Variants in ITPR3 observed in about 807,000 individuals in gnomAD.
ITPR3 encodes inositol 1,4,5-trisphosphate receptor type 3, also known as inositol 1,4,5-trisphosphate-gated calcium channel ITPR3.
ITPR3 carries 173 observed loss-of-function variants against 293.2 expected under a neutral mutation model. The observed-to-expected ratio is 0.59, with a 90% CI of 0.52 to 0.67. The LOEUF (loss-of-function observed/expected upper bound fraction) is 0.67. Ranked by LOEUF, ITPR3 falls within the 30% of genes least tolerant of loss-of-function variation. The pLI, the probability that ITPR3 is intolerant of heterozygous loss-of-function variation, is 0.00. For synonymous variants in ITPR3, 1,295 were observed against 1,444.4 expected (o/e 0.90, Z 2.35); for missense variants, 2,796 against 3,592.1 (o/e 0.78, Z 5.66).
At position 33,658,563 on chromosome 6, in the gene ITPR3, G is replaced by T; in HGVS notation, c.370-107G>T. 5 of 1,314,044 alleles carry T rather than the reference G, an allele frequency of 3.8e-6. No homozygotes were observed. Among genetic ancestry groups the T allele is most frequent in the Non-Finnish European group, 4.2e-6 (4 of 941,586 alleles). The allele number at this position is 1,314,044 out of a possible 1,614,324, so 81.4% of individuals were successfully genotyped here. On this transcript the variant is annotated intron_variant, in intron 4 of 57. Coordinates refer to ENST00000605930, the MANE Select transcript of ITPR3 (RefSeq NM_002224.4). The surrounding 1 kb of genome is among the most constrained non-coding windows in gnomAD (Gnocchi z 6.1). The stretch of plus-strand genomic sequence containing the variant: ...TTGTGACAGGTGTCTGACACTATGT[G>T]TGCAGCCAGAATGTGACCAAGGGTC...
intron 1 of ITPR3, among the ~76,000 whole-genome samples, chr6:33,634,204 C>T (rs568706262): frequency 2.0e-5 from 3 of 152,224 alleles, no homozygotes; most frequent in South Asian, 2.1e-4. Context: ...ACGGTGGGAC[C>T]CTGCAAACAT....
chr6:33,665,991 A>T lies in ITPR3; in HGVS notation c.1551+15A>T, dbSNP rs373163886. On this transcript the variant is annotated intron_variant, in intron 14 of 57. Coordinates refer to ENST00000605930, the MANE Select transcript of ITPR3 (RefSeq NM_002224.4). ...TCCTCAAACAGGTGCGTGTGCACCC[A>T]TGAGGGGACGCAGAGGGGCCGGGTG... is the stretch of plus-strand genomic sequence containing the variant. 1 of 1,586,908 alleles carries T rather than the reference A, an allele frequency of 6.3e-7. No homozygotes were observed. Among genetic ancestry groups the T allele is most frequent in the Non-Finnish European group, 8.6e-7 (1 of 1,165,768 alleles).
At chr6:33,688,603 C>G in intron 48 of ITPR3, 53 bp from the exon 49 acceptor site, 2 of 1,608,380 alleles carry the variant, frequency 1.2e-6, no homozygotes, top group Non-Finnish European at 1.7e-6. Context: ...ATGCAAGGGG[C>G]AGGGGGTGCT....
chr6:33,663,003 T>A lies in ITPR3; in HGVS notation c.951T>A (p.Ala317=). 1 of 1,595,324 alleles carries A rather than the reference T, an allele frequency of 6.3e-7. No homozygotes were observed. The highest frequency in any genetic ancestry group is 8.5e-7 in the Non-Finnish European group (1 of 1,169,964). ...TGGCTACAGGCAACTACCTGGCTGC[T>A]GAGGTGAGCGGGAGGTAGAGGGCAT... ...KHLATGNYLA[A]EENPSYKGDA... is the part of the protein sequence containing the mutation. Residue 317 remains alanine (A), a synonymous_variant, in exon 9 of 58, where the codon GCT becomes GCA. Coordinates refer to ENST00000605930, the MANE Select transcript of ITPR3 (RefSeq NM_002224.4).
At chr6:33,641,700 C>T (rs1282152406) in intron 2 of ITPR3, among the ~76,000 whole-genome samples, 2 of 152,240 alleles carry the variant, frequency 1.3e-5, no homozygotes, top group Admixed American at 6.5e-5. Flanking sequence ...TTCCCTGCAA[C>T]CACACCAGCC....
rs1305731672 is a variant in ITPR3, at chr6:33,675,561, A to G, written c.3117-130A>G. ...CTGAGAAAGTGTCAATATTTTAAAC[A>G]CATTTAGACTGGCCCTGCATCTGCT... On this transcript the variant is annotated intron_variant, in intron 24 of 57. Transcript: ENST00000605930. The surrounding 1 kb of genome is among the most constrained non-coding windows in gnomAD (Gnocchi z 5.0). 2 of 928,730 alleles carry G rather than the reference A, an allele frequency of 2.2e-6. No homozygotes were observed. Among genetic ancestry groups the G allele is most frequent in the Non-Finnish European group, 3.1e-6 (2 of 649,296 alleles). The allele number at this position is 928,730 out of a possible 1,614,324, so 57.5% of individuals were successfully genotyped here.
intron 57 of ITPR3, 62 bp from the exon 58 acceptor site, chr6:33,695,650 C>T (rs762267303): frequency 1.3e-6 from 2 of 1,518,106 alleles, no homozygotes; most frequent in East Asian, 2.3e-5. Flanking sequence ...TCTTCCACAG[C>T]ACCCATGGAG....
In ITPR3 at chr6:33,667,400, A is replaced by G. The variant is rs1764639368; in HGVS notation, c.1713+110A>G. On this transcript the variant is annotated intron_variant, in intron 15 of 57. Coordinates refer to ENST00000605930, the MANE Select transcript of ITPR3 (RefSeq NM_002224.4). The surrounding 1 kb of genome is among the most constrained non-coding windows in gnomAD (Gnocchi z 4.4). ...GGCACTGTTTTGGGGCCTAGGGTCC[A>G]GTAGGGCACCAGACAGCAGGGCCGG... The G allele has an allele frequency of 2.9e-6, 4 of 1,388,368 alleles. No individual in the cohort carries two copies. Among genetic ancestry groups the G allele is most frequent in the Non-Finnish European group, 3.9e-6 (4 of 1,037,394 alleles). The allele number at this position is 1,388,368 out of a possible 1,614,324, so 86.0% of individuals were successfully genotyped here.
chr6:33,655,107 A>G lies in ITPR3; in HGVS notation c.161-659A>G, dbSNP rs1484213397. On this transcript the variant is annotated intron_variant, in intron 2 of 57. Coordinates refer to ENST00000605930, the MANE Select transcript of ITPR3 (RefSeq NM_002224.4). This position sits in a 1 kb window ranked among gnomAD's most constrained non-coding sequence, Gnocchi z 4.9. The stretch of plus-strand genomic sequence containing the variant: ...GGTCAGATTCCTAGAAGCAGAGCCT[A>G]AGATGGGTGAATTCTTGAGGAAGTT... Among the ~76,000 whole-genome samples, 2 of 152,254 alleles carry G rather than the reference A, an allele frequency of 1.3e-5. No individual in the cohort carries two copies. The highest frequency in any genetic ancestry group is 2.9e-5 in the Non-Finnish European group (2 of 68,044).
Position 33,665,049 on chromosome 6 carries a change from G to T in ITPR3, c.1249-4G>T. Reference sequence around the variant, plus strand: ...AGGTGCCCTGCTGACCCCTGTCTCTGCAGCTGGGCACCTGCCCCACCAAGG... The same window carrying T: ...AGGTGCCCTGCTGACCCCTGTCTCTTCAGCTGGGCACCTGCCCCACCAAGG... On this transcript the variant is annotated splice_polypyrimidine_tract_variant and splice_region_variant and intron_variant, in intron 12 of 57. Coordinates refer to ENST00000605930, the MANE Select transcript of ITPR3 (RefSeq NM_002224.4). 2 of 1,613,726 alleles carry T rather than the reference G, an allele frequency of 1.2e-6. No homozygotes were observed. The highest frequency in any genetic ancestry group is 1.1e-5 in the South Asian group (1 of 91,090).
At chr6:33,659,318 G>A (rs541832786) in intron 6 of ITPR3, 148 bp from the exon 7 acceptor site, 24 of 877,088 alleles carry the variant, frequency 2.7e-5, no homozygotes, top group South Asian at 1.1e-4. Flanking sequence ...CAAGGTAGCC[G>A]GGCTGGGGTC....
At chr6:33,634,387 A>C (rs1431509925) in intron 1 of ITPR3, among the ~76,000 whole-genome samples, 1 of 151,782 alleles carries the variant, frequency 6.6e-6, no homozygotes, top group African/African-American at 2.4e-5. Context: ...GTCCTGGCGG[A>C]CCCGGGAGAA....
chr6:33,681,064 C>A (rs1408004567), intron 33 of ITPR3, among the ~76,000 whole-genome samples: 2 of 152,126 alleles, frequency 1.3e-5, no homozygotes, highest in African/African-American at 4.8e-5. Context: ...CATGATCCGC[C>A]CACCTCGGCT....
chr6:33,664,985 G>A lies in ITPR3; in HGVS notation c.1248+16G>A. 6.2e-7 allele frequency: 1 copy of A among 1,613,056 alleles called. No homozygotes were observed. The highest frequency in any genetic ancestry group is 8.5e-7 in the Non-Finnish European group (1 of 1,179,426). On this transcript the variant is annotated intron_variant, in intron 12 of 57. Coordinates refer to ENST00000605930, the MANE Select transcript of ITPR3 (RefSeq NM_002224.4). The surrounding 1 kb of genome is among the most constrained non-coding windows in gnomAD (Gnocchi z 4.4). ...CCGGCTCATGGTGCGTGTCCCTGGG[G>A]TGGGGGTGGGGCTGGGGCCAGGGCC... is the stretch of plus-strand genomic sequence containing the variant.
In ITPR3 at chr6:33,675,850, C is replaced by T; in HGVS notation, c.3276C>T (p.Phe1092=). 6.4e-7 allele frequency: 1 copy of T among 1,563,490 alleles called. No homozygotes were observed. Among genetic ancestry groups the T allele is most frequent in the Non-Finnish European group, 8.7e-7 (1 of 1,153,932 alleles). The change falls in exon 25 of 58, where the codon TTC becomes TTT. Residue 1092 remains phenylalanine (F), a synonymous_variant. Transcript: ENST00000605930. This position sits in a 1 kb window ranked among gnomAD's most constrained non-coding sequence, Gnocchi z 5.0. Reference sequence around the variant, plus strand: ...AGCGCCAGGAGGCCATGCACACCTTCAAGCAGGTGACGGGACTACCTGGCC... The same window carrying T: ...AGCGCCAGGAGGCCATGCACACCTTTAAGCAGGTGACGGGACTACCTGGCC... ...FSQRQEAMHT[F]KQVQLLISAQ...
At position 33,696,182 on chromosome 6, in the gene ITPR3, G is replaced by A; in HGVS notation, c.*402G>A. 1 of 222,148 alleles carries A rather than the reference G, an allele frequency of 4.5e-6. No individual in the cohort carries two copies. The allele number at this position is 222,148 out of a possible 1,614,324, so 13.8% of individuals were successfully genotyped here. ...CTGCCGGCCTCTGGGGGAGGTGGCA[G>A]TTATGCTGTTACTAGTGATTTTAGG... On this transcript the variant is annotated 3_prime_UTR_variant, in exon 58 of 58. Transcript: ENST00000605930.
Position 33,688,473 on chromosome 6 carries a change from T to C in ITPR3, c.6568+42T>C, listed in dbSNP as rs2296736. The C allele has an allele frequency of 0.45, 550,965 of 1,235,510 alleles. 146,615 individuals are homozygous for C. Among genetic ancestry groups the C allele is most frequent in the East Asian group, 0.87 (33,886 of 39,152 alleles). 76.5% of individuals were successfully genotyped at this position (1,235,510 alleles called of 1,614,324 possible). A position where few individuals can be genotyped will look rare whatever the true frequency, so the allele number is the denominator to read the frequency against. On this transcript the variant is annotated intron_variant, in intron 48 of 57. Coordinates refer to ENST00000605930, the MANE Select transcript of ITPR3 (RefSeq NM_002224.4). ...GGGAGGGTGGGGCGGTCTGGAGCTG[T>C]TCACTGATGCCCTGTTATAACGGCC...
In ITPR3 at chr6:33,663,483, C is replaced by A; in HGVS notation, c.955-17C>A. ...TTGGTGTCCAGTAGCTCCCCCACATCTTGTATCTCTGTCCAGGAGAACCCC... is the reference window on the plus strand; with the variant it reads ...TTGGTGTCCAGTAGCTCCCCCACATATTGTATCTCTGTCCAGGAGAACCCC... On this transcript the variant is annotated splice_polypyrimidine_tract_variant and intron_variant, in intron 9 of 57. Transcript: ENST00000605930. The A allele has an allele frequency of 6.3e-7, 1 of 1,599,850 alleles. No individual in the cohort carries two copies. The highest frequency in any genetic ancestry group is 8.5e-7 in the Non-Finnish European group (1 of 1,172,396).
intron 3 of ITPR3, among the ~76,000 whole-genome samples, chr6:33,657,038 C>T (rs1038576208): frequency 1.1e-4 from 17 of 152,224 alleles, no homozygotes; most frequent in African/African-American, 4.1e-4. Flanking sequence ...AGGGCATTCA[C>T]CTATGCAGAG....
Sources: gnomAD v4.1 joint callset for allele counts (sites outside exome capture counted in the v4.1 genomes callset) on GRCh38, gnomAD v4.1.1 for gene constraint, Gnocchi (gnomAD v3.1) non-coding constraint, MANE v1.5 for transcripts, NCBI Gene and HGNC (gene_info 2026-07-23, HGNC 2026-07-21) for gene names.